SDHC: variants seen among roughly 807,000 people sequenced by gnomAD.
The protein encoded by SDHC is succinate dehydrogenase cytochrome b560 subunit, mitochondrial.
SDHC carries 11 observed loss-of-function variants against 22.6 expected under a neutral mutation model. The observed-to-expected ratio is 0.49, with a 90% CI of 0.31 to 0.81. The LOEUF (loss-of-function observed/expected upper bound fraction) is 0.81. SDHC is among the 30% of genes least tolerant of loss of function. The pLI, the probability that SDHC is intolerant of heterozygous loss-of-function variation, is 0.05. For missense variants in SDHC, 160 were observed against 212.0 expected (o/e 0.75, Z 1.52); for synonymous variants, 80 against 77.8 (o/e 1.03, Z -0.15).
intron 3 of SDHC, among the ~76,000 whole-genome samples, chr1:161,331,634 T>C (rs1391928362): frequency 6.6e-6 from 1 of 150,646 alleles, no homozygotes; most frequent in East Asian, 2.0e-4. Context: ...CTCACACTAT[T>C]GCCAGGGCTG....
intron 4 of SDHC, among the ~76,000 whole-genome samples, chr1:161,352,728 T>C (rs76055913): frequency 0.12 from 17,821 of 152,016 alleles, 1,421 homozygotes; most frequent in African/African-American, 0.22. Context: ...GTGGCCGAGG[T>C]GGGTGGGAGG....
chr1:161,359,319 G>A (rs999772600), intron 5 of SDHC, among the ~76,000 whole-genome samples: 3 of 151,992 alleles, frequency 2.0e-5, no homozygotes, highest in Non-Finnish European at 4.4e-5. Context: ...ACAGTTTAAT[G>A]GAATAAAAAA....
intron 1 of SDHC, among the ~76,000 whole-genome samples, chr1:161,318,671 C>T (rs755521691): frequency 6.6e-6 from 1 of 152,206 alleles, no homozygotes; most frequent in Non-Finnish European, 1.5e-5. Context: ...TATTCATTCA[C>T]AAACCTTTTT....
intron 5 of SDHC, among the ~76,000 whole-genome samples, chr1:161,359,862 G>T (rs1007160593): frequency 6.6e-6 from 1 of 152,058 alleles, no homozygotes; most frequent in Non-Finnish European, 1.5e-5. Context: ...AGGGTCTGTG[G>T]CATTCTAGGG....
intron 4 of SDHC, among the ~76,000 whole-genome samples, chr1:161,341,488 T>G (rs112865403): frequency 3.9e-5 from 6 of 152,196 alleles, no homozygotes; most frequent in Non-Finnish European, 8.8e-5. Flanking sequence ...GAAGGTTTAT[T>G]ATATGGAGTG....
intron 3 of SDHC, among the ~76,000 whole-genome samples, chr1:161,331,708 G>C (rs746292415): frequency 6.6e-6 from 1 of 150,728 alleles, no homozygotes; most frequent in Non-Finnish European, 1.5e-5. Context: ...CGGTTCTCCT[G>C]CCTCAGCCTC....
Position 161,316,731 on chromosome 1 carries a change from A to AT in SDHC, c.20+2316dup, listed in dbSNP as rs567049965. Reference sequence around the variant, plus strand: ...TAGGAGGATAAATGAGGAATTAAAAATTTTTTTTTTCTTGATAGAAGTTCC... The same window carrying AT: ...TAGGAGGATAAATGAGGAATTAAAAATTTTTTTTTTTCTTGATAGAAGTTCC... On this transcript the variant is annotated intron_variant, in intron 1 of 5. Transcript: ENST00000367975. Among the ~76,000 whole-genome samples, 16 of 151,036 alleles carry AT rather than the reference A, an allele frequency of 1.1e-4. 1 individual carries two copies. In the South Asian group the frequency reaches 2.1e-3, roughly 20 times the overall value.
At chr1:161,349,380 G>A (rs1416620106) in intron 4 of SDHC, among the ~76,000 whole-genome samples, 9 of 152,110 alleles carry the variant, frequency 5.9e-5, no homozygotes, top group Non-Finnish European at 1.5e-5. Flanking sequence ...CACGAGAATC[G>A]CTTGAACCCA....
chr1:161,350,339 C>T (rs369328291), intron 4 of SDHC, among the ~76,000 whole-genome samples: 4 of 152,346 alleles, frequency 2.6e-5, no homozygotes, highest in African/African-American at 7.2e-5. Context: ...GCGTGAGCCA[C>T]CATGCTCAGC....
At chr1:161,346,970 A>C (rs954574580) in intron 4 of SDHC, among the ~76,000 whole-genome samples, 1 of 152,238 alleles carries the variant, frequency 6.6e-6, no homozygotes, top group Non-Finnish European at 1.5e-5. Flanking sequence ...ACAAGAAAAA[A>C]AAAGTGTACG....
intron 3 of SDHC, chr1:161,339,629 A>G (rs542577980): frequency 1.5e-5 from 11 of 746,828 alleles, no homozygotes; most frequent in Non-Finnish European, 1.9e-5. Context: ...TTTATTCTTT[A>G]ATTTATTTTT....
intron 2 of SDHC, among the ~76,000 whole-genome samples, chr1:161,326,028 C>T (rs1013603885): frequency 6.6e-6 from 1 of 151,902 alleles, no homozygotes; most frequent in Non-Finnish European, 1.5e-5. Flanking sequence ...GTACTGAAAC[C>T]CCATCTTGAC....
rs7547940 is a variant in SDHC, at chr1:161,352,293, T to C, written c.242-4384T>C. Among the ~76,000 whole-genome samples, 1,398 of 152,324 alleles carry C rather than the reference T, an allele frequency of 9.2e-3. 28 individuals are homozygous for C. The highest frequency in any genetic ancestry group is 0.032 in the African/African-American group (1,313 of 41,560). On this transcript the variant is annotated intron_variant, in intron 4 of 5. Transcript: ENST00000367975. ...TTGAATTAACTGATTAATATTCCTG[T>C]TTGAAGAGGTAGAGCCTTTTTTGAA...
chr1:161,357,530 G>A (rs965682052), intron 5 of SDHC, among the ~76,000 whole-genome samples: 2 of 151,748 alleles, frequency 1.3e-5, no homozygotes, highest in Admixed American at 1.3e-4. Context: ...CTCCCGAGCA[G>A]CTGGGACTAC....
chr1:161,328,689 AAATTC>A (rs1671164926), intron 3 of SDHC, among the ~76,000 whole-genome samples, 192 bp downstream of exon 3: 1 of 152,242 alleles, frequency 6.6e-6, no homozygotes, highest in Non-Finnish European at 1.5e-5. Context: ...GGAGATGACT[AAATTC>A]TATCTTGTCA....
intron 2 of SDHC, among the ~76,000 whole-genome samples, chr1:161,324,386 T>C (rs56411570): frequency 0.12 from 17,853 of 152,276 alleles, 1,424 homozygotes; most frequent in African/African-American, 0.22. Context: ...GCATGAGCCA[T>C]TGCACCTGGA....
intron 5 of SDHC, among the ~76,000 whole-genome samples, chr1:161,359,618 G>C (rs2102378278): frequency 6.6e-6 from 1 of 152,314 alleles, no homozygotes; most frequent in South Asian, 2.1e-4. Context: ...GCAGAACTTA[G>C]AGCTTTTCTG....
chr1:161,330,366 A>G (rs1332347226), intron 3 of SDHC, among the ~76,000 whole-genome samples: 1 of 152,234 alleles, frequency 6.6e-6, no homozygotes, highest in Non-Finnish European at 1.5e-5. Context: ...TGGGACAGAC[A>G]TAGGATAACA....
rs2102371625 is a variant in SDHC at position 161,356,860 on chromosome 1, G to A, written c.405+20G>A. ...CACTTGGTAAGTTAATTCGGGATTTGCACATTTTCTCTGTGAAGGGAGTGG... is the reference window on the plus strand; with the variant it reads ...CACTTGGTAAGTTAATTCGGGATTTACACATTTTCTCTGTGAAGGGAGTGG... On this transcript the variant is annotated intron_variant, in intron 5 of 5. Transcript: ENST00000367975. The A allele has an allele frequency of 6.2e-7, 1 of 1,611,270 alleles. No individual in the cohort carries two copies. The highest frequency in any genetic ancestry group is 8.5e-7 in the Non-Finnish European group (1 of 1,177,618).
Sources: allele counts gnomAD v4.1 joint callset (sites outside exome capture counted in the v4.1 genomes callset), GRCh38; gene constraint gnomAD v4.1.1; transcripts MANE v1.5; gene names NCBI Gene and HGNC (gene_info 2026-07-23, HGNC 2026-07-21).